Variants in FAM181B observed in about 807,000 individuals in gnomAD.
FAM181B encodes family with sequence similarity 181 member B, also known as protein FAM181B.
A neutral mutation model predicts 17.8 loss-of-function variants in FAM181B; 13 were observed. That is an observed-to-expected ratio of 0.73 (90% CI 0.48 to 1.16). The LOEUF (loss-of-function observed/expected upper bound fraction) is 1.16, where lower values mean the gene tolerates loss of function less well. Ranked by LOEUF, FAM181B falls within the 50% of genes most tolerant of loss-of-function variation. The probability of loss-of-function intolerance (pLI) is 0.00; values close to 1 mark genes in which losing one functional copy is unlikely to be tolerated. For synonymous variants in FAM181B, 338 were observed against 316.5 expected, an observed-to-expected ratio of 1.07 and a Z score of -0.72; for missense variants, 725 against 634.1, an observed-to-expected ratio of 1.14 and a Z score of -1.54.
At position 82,733,232 on chromosome 11, in the gene FAM181B, G is replaced by A. The variant is rs1332474226; in HGVS notation, c.498C>T (p.Ala166=). 1.6e-6 allele frequency: 2 copies of A among 1,276,046 alleles called. No homozygotes were observed. The highest frequency in any genetic ancestry group is 5.6e-5 in the South Asian group (2 of 35,682). The allele number at this position is 1,276,046 out of a possible 1,614,324, so 79.0% of individuals were successfully genotyped here. A position where few individuals can be genotyped will look rare whatever the true frequency, so the allele number is the denominator to read the frequency against. ...CGTGGCGCAGCGAGTCGAAGAGCGC[G>A]GCCAGACTTCGGCTTTGCAAGCTGG... ...AAASLQSRSL[A]ALFDSLRHVP... The change falls in exon 1 of 1, where the codon GCC becomes GCT. Residue 166 remains alanine, a synonymous_variant. Coordinates refer to ENST00000329203, the MANE Select transcript of FAM181B (RefSeq NM_175885.4).
Position 82,732,551 on chromosome 11 carries a change from G to A in FAM181B, c.1179C>T (p.Tyr393=). 1 of 1,611,596 alleles carries A rather than the reference G, an allele frequency of 6.2e-7. No homozygotes were observed. The highest frequency in any genetic ancestry group is 1.1e-5 in the South Asian group (1 of 90,928). ...PPPPPPHQVS[Y]DYSAGYSRTA... ...TGCGGCTGTAGCCCGCGCTGTAATC[G>A]TAGGACACCTGATGGGGCGGCGGCG... Residue 393 remains tyrosine (Y), a synonymous_variant, in exon 1 of 1, where the codon TAC becomes TAT. Coordinates refer to ENST00000329203, the MANE Select transcript of FAM181B (RefSeq NM_175885.4).
rs965858547 is a variant in FAM181B, at chr11:82,730,364, G to C, written c.*2085C>G. The stretch of plus-strand genomic sequence containing the variant: ...TAAACGTATAGCAAGCAAAACAGTA[G>C]GAGAGAGATAACCTGTTTTACTACA... On this transcript the variant is annotated 3_prime_UTR_variant, in exon 1 of 1. Transcript: ENST00000329203. The C allele has an allele frequency of 1.3e-5, 2 of 152,166 alleles. No individual in the cohort carries two copies. The highest frequency in any genetic ancestry group is 2.9e-5 in the Non-Finnish European group (2 of 68,034). The allele number at this position is 152,166 out of a possible 1,614,324, so 9.4% of individuals were successfully genotyped here.
rs540955833 is a variant in FAM181B at position 82,732,394 on chromosome 11, C to A, written c.*55G>T. Reference sequence around the variant, plus strand: ...GTTCTTCAGATTTAGGAGAAACCCACGGAGGCGCGGCGCTCTCCACAGCCG... The same window carrying A: ...GTTCTTCAGATTTAGGAGAAACCCAAGGAGGCGCGGCGCTCTCCACAGCCG... On this transcript the variant is annotated 3_prime_UTR_variant, in exon 1 of 1. Coordinates refer to ENST00000329203, the MANE Select transcript of FAM181B (RefSeq NM_175885.4). The A allele has an allele frequency of 3.9e-4, 599 of 1,527,184 alleles. No homozygotes were observed. Among genetic ancestry groups the A allele is most frequent in the Non-Finnish European group, 5.2e-4 (583 of 1,120,398 alleles). 94.6% of individuals were successfully genotyped at this position (1,527,184 alleles called of 1,614,324 possible).
In FAM181B at chr11:82,732,883, C is replaced by A; in HGVS notation, c.847G>T (p.Ala283Ser). 2 of 1,539,302 alleles carry A rather than the reference C, an allele frequency of 1.3e-6. No individual in the cohort carries two copies. Among genetic ancestry groups the A allele is most frequent in the Non-Finnish European group, 8.7e-7 (1 of 1,145,068 alleles). Residue 283 changes from alanine (A) to serine (S), a missense_variant, in exon 1 of 1, where the codon GCC becomes TCC. Coordinates refer to ENST00000329203, the MANE Select transcript of FAM181B (RefSeq NM_175885.4). ...GAGTEAAVLL[A>S]AEPLDVFPAG... is the part of the protein sequence containing the mutation. Reference sequence around the variant, plus strand: ...GGGAACACGTCGAGAGGCTCGGCGGCAAGCAAGACTGCCGCCTCCGTGCCG... The same window carrying A: ...GGGAACACGTCGAGAGGCTCGGCGGAAAGCAAGACTGCCGCCTCCGTGCCG...
In FAM181B at chr11:82,732,720, A is replaced by AG; in HGVS notation, c.1009dup (p.Leu337ProfsTer100). On this transcript the variant is annotated frameshift_variant, in exon 1 of 1. Transcript: ENST00000329203. LOFTEE classifies it high-confidence loss of function. ...GGTCAAGCCGCCGCGGGGGGCAGTC[A>AG]GGGGGCTCTTTTTGGTCGGGGAGCA... 1 of 1,457,286 alleles carries AG rather than the reference A, an allele frequency of 6.9e-7. No individual in the cohort carries two copies. The highest frequency in any genetic ancestry group is 9.1e-7 in the Non-Finnish European group (1 of 1,103,606). 90.3% of individuals were successfully genotyped at this position (1,457,286 alleles called of 1,614,324 possible). A position where few individuals can be genotyped will look rare whatever the true frequency, so the allele number is the denominator to read the frequency against.
Position 82,733,448 on chromosome 11 carries a change from G to C in FAM181B, c.282C>G (p.Arg94=). 6.3e-7 allele frequency: 1 copy of C among 1,591,682 alleles called. No individual in the cohort carries two copies. The highest frequency in any genetic ancestry group is 8.6e-7 in the Non-Finnish European group (1 of 1,169,506). ...GCTTGATCTGCTTCTGCAGGTACTTGCGGTGGTTCACCTTCCGCTTCGACT... is the reference window on the plus strand; with the variant it reads ...GCTTGATCTGCTTCTGCAGGTACTTCCGGTGGTTCACCTTCCGCTTCGACT... The part of the protein sequence containing the change: ...PGKSKRKVNH[R]KYLQKQIKRC... Residue 94 remains arginine (R), a synonymous_variant, in exon 1 of 1, where the codon CGC becomes CGG. Transcript: ENST00000329203.
At position 82,733,631 on chromosome 11, in the gene FAM181B, G is replaced by A. The variant is rs1487725533; in HGVS notation, c.99C>T (p.Asp33=). The A allele has an allele frequency of 1.9e-6, 3 of 1,599,310 alleles. No homozygotes were observed. Among genetic ancestry groups the A allele is most frequent in the Non-Finnish European group, 1.7e-6 (2 of 1,177,318 alleles). ...CATCGTCCTCGAAACAGCAGCCCTT[G>A]TCCAGGGCTCCGAAGGCGCCCCCTA... ...DGLGGAFGAL[D]KGCCFEDDET... Residue 33 remains aspartate (D), a synonymous_variant, in exon 1 of 1, where the codon GAC becomes GAT. Coordinates refer to ENST00000329203, the MANE Select transcript of FAM181B (RefSeq NM_175885.4).
In FAM181B at chr11:82,731,437, C is replaced by G. The variant is rs1311535119; in HGVS notation, c.*1012G>C. ...CAAAAAAGGCATGGGACTCACAACT[C>G]TGTTTCCGTGTGTAGAAACCATTTA... On this transcript the variant is annotated 3_prime_UTR_variant, in exon 1 of 1. Transcript: ENST00000329203. 1 of 152,294 alleles carries G rather than the reference C, an allele frequency of 6.6e-6. No individual in the cohort carries two copies. Among genetic ancestry groups the G allele is most frequent in the Non-Finnish European group, 1.5e-5 (1 of 68,096 alleles). The allele number at this position is 152,294 out of a possible 1,614,324, so 9.4% of individuals were successfully genotyped here.
In FAM181B at chr11:82,733,626, C is replaced by A. The variant is rs144429777; in HGVS notation, c.104G>T (p.Gly35Val). The change falls in exon 1 of 1, where the codon GGC becomes GTC. Residue 35 changes from glycine (G) to valine (V), a missense_variant. By Grantham distance (109) the Gly-to-Val change is moderately radical. Coordinates refer to ENST00000329203, the MANE Select transcript of FAM181B (RefSeq NM_175885.4). The stretch of plus-strand genomic sequence containing the variant: ...GGTCTCATCGTCCTCGAAACAGCAG[C>A]CCTTGTCCAGGGCTCCGAAGGCGCC... ...LGGAFGALDK[G>V]CCFEDDETGA... 1.2e-6 allele frequency: 2 copies of A among 1,601,114 alleles called. No homozygotes were observed. The highest frequency in any genetic ancestry group is 2.7e-5 in the African/African-American group (2 of 74,654).
Position 82,733,031 on chromosome 11 carries a change from C to A in FAM181B, c.699G>T (p.Thr233=), listed in dbSNP as rs775604760. Residue 233 remains threonine, a synonymous_variant, in exon 1 of 1, where the codon ACG becomes ACT. Transcript: ENST00000329203. ...RARNLPPSFF[T]EPSRAGGGGC... ...CGCCGCCGCCTGCCCGGGACGGCTC[C>A]GTGAAGAAGGACGGAGGCAGATTGC... 3 of 1,538,114 alleles carry A rather than the reference C, an allele frequency of 2.0e-6. No individual in the cohort carries two copies. The highest frequency in any genetic ancestry group is 2.5e-5 in the East Asian group (1 of 39,368).
Position 82,732,758 on chromosome 11 carries a change from C to T in FAM181B, c.972G>A (p.Trp324Ter), listed in dbSNP as rs2120881302. The T allele has an allele frequency of 1.4e-6, 2 of 1,469,090 alleles. No homozygotes were observed. The highest frequency in any genetic ancestry group is 1.8e-6 in the Non-Finnish European group (2 of 1,109,726). 91.0% of individuals were successfully genotyped at this position (1,469,090 alleles called of 1,614,324 possible). Residue 324 changes from tryptophan to a stop codon, truncating the protein, a stop_gained, in exon 1 of 1, where the codon TGG (tryptophan) becomes TGA (stop). Coordinates refer to ENST00000329203, the MANE Select transcript of FAM181B (RefSeq NM_175885.4). LOFTEE classifies it high-confidence loss of function. ...TGGTCGGGGAGCAGCCCGGGACGCT[C>T]CAGGGCTCGGGGTACAGTAGGTTTC... ...VVGNLLYPEP[W>*]SVPGCSPTKK...
Position 82,732,424 on chromosome 11 carries a change from T to C in FAM181B, c.*25A>G, listed in dbSNP as rs1213090692. 6.2e-7 allele frequency: 1 copy of C among 1,609,808 alleles called. No homozygotes were observed. The highest frequency in any genetic ancestry group is 2.2e-5 in the East Asian group (1 of 44,778). On this transcript the variant is annotated 3_prime_UTR_variant, in exon 1 of 1. Coordinates refer to ENST00000329203, the MANE Select transcript of FAM181B (RefSeq NM_175885.4). ...GCGCGGCGCTCTCCACAGCCGTCTC[T>C]AATGAAGGGAAGCGTGCCTCGAAGT...
At position 82,733,749 on chromosome 11, in the gene FAM181B, T is replaced by C. The variant is rs772686815; in HGVS notation, c.-20A>G. 7.4e-7 allele frequency: 1 copy of C among 1,349,610 alleles called. No homozygotes were observed. The highest frequency in any genetic ancestry group is 9.5e-7 in the Non-Finnish European group (1 of 1,052,138). The allele number at this position is 1,349,610 out of a possible 1,614,324, so 83.6% of individuals were successfully genotyped here. On this transcript the variant is annotated 5_prime_UTR_variant, in exon 1 of 1. Transcript: ENST00000329203. ...CGCCATCGCCGCGGCTCCCGGGCTG[T>C]CCGCAGCGCTGCCCGTGCGCCCCCG...
rs114353631 is a variant in FAM181B at position 82,732,409 on chromosome 11, C to T, written c.*40G>A. ...GAGAAACCCACGGAGGCGCGGCGCT[C>T]TCCACAGCCGTCTCTAATGAAGGGA... On this transcript the variant is annotated 3_prime_UTR_variant, in exon 1 of 1. Transcript: ENST00000329203. The T allele has an allele frequency of 1.3e-6, 2 of 1,594,788 alleles. No homozygotes were observed. Among genetic ancestry groups the T allele is most frequent in the African/African-American group, 2.7e-5 (2 of 74,356 alleles).
rs1177768965 is a variant in FAM181B at position 82,732,910 on chromosome 11, C to T, written c.820G>A (p.Ala274Thr). 1.3e-6 allele frequency: 2 copies of T among 1,554,576 alleles called. No individual in the cohort carries two copies. ...AGCAAGACTGCCGCCTCCGTGCCGG[C>T]GCCGTAGTCGGGCCCCAGCAGCTCA... is the stretch of plus-strand genomic sequence containing the variant. ...FFELLGPDYG[A>T]GTEAAVLLAA... The change falls in exon 1 of 1, where the codon GCC becomes ACC. Residue 274 changes from alanine (A) to threonine (T), a missense_variant. By Grantham distance (58) the Ala-to-Thr change is moderately conservative (BLOSUM62 0). Transcript: ENST00000329203.
chr11:82,732,295 T>C lies in FAM181B; in HGVS notation c.*154A>G. ...AAACAATCCCCAACTCGTCTTCATC[T>C]CTTTTTTCTGAAGTTGCTTTTATTA... On this transcript the variant is annotated 3_prime_UTR_variant, in exon 1 of 1. Coordinates refer to ENST00000329203, the MANE Select transcript of FAM181B (RefSeq NM_175885.4). 1 of 726,724 alleles carries C rather than the reference T, an allele frequency of 1.4e-6. No individual in the cohort carries two copies. Among genetic ancestry groups the C allele is most frequent in the Non-Finnish European group, 2.2e-6 (1 of 445,614 alleles). 45.0% of individuals were successfully genotyped at this position (726,724 alleles called of 1,614,324 possible). A position where few individuals can be genotyped will look rare whatever the true frequency, so the allele number is the denominator to read the frequency against.
At position 82,732,488 on chromosome 11, in the gene FAM181B, C is replaced by T. The variant is rs1291512469; in HGVS notation, c.1242G>A (p.Trp414Ter). 6.2e-7 allele frequency: 1 copy of T among 1,613,116 alleles called. No individual in the cohort carries two copies. The highest frequency in any genetic ancestry group is 8.5e-7 in the Non-Finnish European group (1 of 1,179,984). Residue 414 changes from tryptophan (W) to a stop codon, truncating the protein, a stop_gained, in exon 1 of 1, where the codon TGG (tryptophan) becomes TGA (stop). Coordinates refer to ENST00000329203, the MANE Select transcript of FAM181B (RefSeq NM_175885.4). LOFTEE classifies it high-confidence loss of function. ...YSSLWRSDGV[W>*]EGAPGEEGAH... ...CCCCCTCCTCCCCCGGCGCCCCTTC[C>T]CAAACCCCGTCGGATCTCCAAAGGC...
chr11:82,732,247 T>G lies in FAM181B; in HGVS notation c.*202A>C, dbSNP rs1212888592. Reference sequence around the variant, plus strand: ...CTACAAACGTGTTTGTTTGTTTTTGTTTTAACACTTGAGGTTGTGATTAAA... The same window carrying G: ...CTACAAACGTGTTTGTTTGTTTTTGGTTTAACACTTGAGGTTGTGATTAAA... On this transcript the variant is annotated 3_prime_UTR_variant, in exon 1 of 1. Coordinates refer to ENST00000329203, the MANE Select transcript of FAM181B (RefSeq NM_175885.4). 7 of 598,672 alleles carry G rather than the reference T, an allele frequency of 1.2e-5. No individual in the cohort carries two copies. The highest frequency in any genetic ancestry group is 9.2e-5 in the East Asian group (3 of 32,696). 37.1% of individuals were successfully genotyped at this position (598,672 alleles called of 1,614,324 possible). A position where few individuals can be genotyped will look rare whatever the true frequency, so the allele number is the denominator to read the frequency against.
Position 82,732,983 on chromosome 11 carries a change from G to T in FAM181B, c.747C>A (p.Asp249Glu), listed in dbSNP as rs537549628. The T allele has an allele frequency of 9.0e-6, 14 of 1,563,354 alleles. No homozygotes were observed. The South Asian group carries it at 1.6e-4, about 18-fold the overall frequency. The part of the protein sequence containing the change: ...GGGGCGPSGP[D>E]VSLGDLEKGA... ...CCTTCTCCAGGTCGCCCAAGCTCAC[G>T]TCCGGCCCCGACGGGCCACACCCGC... Residue 249 changes from aspartate (D) to glutamate (E), a missense_variant, in exon 1 of 1, where the codon GAC (aspartate) becomes GAA (glutamate). Asp to Glu is a conservative substitution (Grantham distance 45). Coordinates refer to ENST00000329203, the MANE Select transcript of FAM181B (RefSeq NM_175885.4).
Sources: allele counts gnomAD v4.1 joint callset, GRCh38; gene constraint gnomAD v4.1.1; transcripts MANE v1.5; gene names NCBI Gene and HGNC (gene_info 2026-07-23, HGNC 2026-07-21).